The following OSBPL10 variants were observed in gnomAD, a reference collection of about 807,000 sequenced individuals.
The protein encoded by OSBPL10 is oxysterol binding protein like 10.
In OSBPL10, 49 loss-of-function variants were observed where a neutral mutation model predicts 81.7. The observed-to-expected ratio is 0.60, with a 90% CI of 0.48 to 0.76. The LOEUF is 0.76. Among genes scored for constraint, OSBPL10 ranks in the 30% least tolerant of loss-of-function variants. The pLI is 0.00. For missense variants in OSBPL10, 923 were observed against 987.8 expected, an observed-to-expected ratio of 0.93 and a Z score of 0.88; for synonymous variants, 419 against 383.6, an observed-to-expected ratio of 1.09 and a Z score of -1.08.
chr3:31,825,929 T>G (rs1700089923), intron 4 of OSBPL10, among the ~76,000 whole-genome samples: 1 of 152,242 alleles, frequency 6.6e-6, no homozygotes, highest in African/African-American at 2.4e-5. Flanking sequence ...ACTCATTTTA[T>G]GCATACATGT....
intron 4 of OSBPL10, among the ~76,000 whole-genome samples, chr3:31,780,659 C>T (rs1279377726): frequency 5.9e-5 from 9 of 152,146 alleles, no homozygotes; most frequent in African/African-American, 1.9e-4. Flanking sequence ...TGCAAAAGAT[C>T]ATTCAAGGCA....
chr3:32,036,823 CA>C (rs35549518), intron 2 of OSBPL10, among the ~76,000 whole-genome samples: 19 of 142,188 alleles, frequency 1.3e-4, no homozygotes, highest in South Asian at 4.5e-4. Flanking sequence ...ACTCGTGTCT[CA>C]AAAAAAAAAA....
At chr3:31,766,691 T>C (rs887404488) in intron 4 of OSBPL10, among the ~76,000 whole-genome samples, 2 of 152,128 alleles carry the variant, frequency 1.3e-5, no homozygotes, top group African/African-American at 4.8e-5. Context: ...TATTTACAAA[T>C]ACTTTTAAAA....
At chr3:31,991,283 G>T in intron 2 of OSBPL10, 1 of 297,668 alleles carries the variant, frequency 3.4e-6, no homozygotes. Flanking sequence ...ACTTTTCCTA[G>T]CCTGTTTTTT....
chr3:31,957,194 T>C (rs1397424302), intron 1 of OSBPL10, among the ~76,000 whole-genome samples: 2 of 152,206 alleles, frequency 1.3e-5, no homozygotes, highest in Non-Finnish European at 2.9e-5. Flanking sequence ...TCCAGGGATG[T>C]ACAAAGGCAG....
chr3:31,833,594 CCTT>C (rs750369333), intron 3 of OSBPL10, among the ~76,000 whole-genome samples: 10 of 152,006 alleles, frequency 6.6e-5, no homozygotes, highest in South Asian at 2.1e-4. Flanking sequence ...GAGTCACTGA[CCTT>C]CTTATTTTCT....
intron 4 of OSBPL10, among the ~76,000 whole-genome samples, chr3:31,792,676 CAGTT>C (rs1166008361): frequency 7.0e-6 from 1 of 142,322 alleles, no homozygotes. Flanking sequence ...GTGTGTGTGA[CAGTT>C]GGTGTTGTGG....
At chr3:31,853,212 C>T (rs1385301696) in intron 3 of OSBPL10, among the ~76,000 whole-genome samples, 5 of 152,112 alleles carry the variant, frequency 3.3e-5, no homozygotes, top group Non-Finnish European at 5.9e-5. Context: ...TTTTCTAGTT[C>T]CTGACCTGGC....
intron 7 of OSBPL10, among the ~76,000 whole-genome samples, chr3:31,689,639 G>T (rs1700892935): frequency 6.6e-6 from 1 of 152,138 alleles, no homozygotes. Flanking sequence ...CATGGGGGTG[G>T]GTCTTTCTTG....
intron 1 of OSBPL10, among the ~76,000 whole-genome samples, chr3:31,980,309 G>GT (rs1698797658): frequency 6.6e-6 from 1 of 152,132 alleles, no homozygotes; most frequent in Non-Finnish European, 1.5e-5. Flanking sequence ...GCCTCTTTCT[G>GT]TTTTTAAACA....
intron 2 of OSBPL10, among the ~76,000 whole-genome samples, chr3:32,004,922 T>G (rs1020506124): frequency 6.6e-6 from 1 of 152,216 alleles, no homozygotes; most frequent in African/African-American, 2.4e-5. Flanking sequence ...TGCAATTCAA[T>G]TCCCACTTAT....
chr3:32,040,205 G>A (rs960104011), intron 2 of OSBPL10, among the ~76,000 whole-genome samples: 1 of 152,082 alleles, frequency 6.6e-6, no homozygotes, highest in African/African-American at 2.4e-5. Flanking sequence ...TCAAGAGTTC[G>A]AGACCAGCCT....
At chr3:31,663,777 T>C in intron 11 of OSBPL10, 2 of 1,286,406 alleles carry the variant, frequency 1.6e-6, no homozygotes, top group Admixed American at 6.9e-5. Context: ...TAGAACAGTA[T>C]CCAGTCTGCA....
At chr3:32,010,212 G>A (rs1259538687) in intron 2 of OSBPL10, among the ~76,000 whole-genome samples, 1 of 152,078 alleles carries the variant, frequency 6.6e-6, no homozygotes, top group Non-Finnish European at 1.5e-5. Context: ...AACGCATAGT[G>A]GGGCCAGAGC....
intron 3 of OSBPL10, among the ~76,000 whole-genome samples, chr3:31,839,235 G>A (rs1700435828): frequency 6.6e-6 from 1 of 152,128 alleles, no homozygotes. Context: ...GAAGAGTCTG[G>A]AAAAGACATA....
intron 1 of OSBPL10, among the ~76,000 whole-genome samples, chr3:31,880,819 A>T (rs1695551955): frequency 6.6e-6 from 1 of 152,200 alleles, no homozygotes; most frequent in South Asian, 2.1e-4. Context: ...CACCCTTTTG[A>T]AACATTTCCT....
upstream of OSBPL10, among the ~76,000 whole-genome samples, chr3:31,982,783 T>C (rs12632509): frequency 0.074 from 11,276 of 152,288 alleles, 649 homozygotes; most frequent in East Asian, 0.32. Context: ...GGACAAATGA[T>C]ACCGGCTGTA....
chr3:31,959,182 T>C (rs1328500871), intron 1 of OSBPL10, among the ~76,000 whole-genome samples: 2 of 152,284 alleles, frequency 1.3e-5, no homozygotes, highest in East Asian at 1.9e-4. Context: ...CTACGAGATA[T>C]CGGCTCACAG....
intron 3 of OSBPL10, among the ~76,000 whole-genome samples, chr3:31,863,461 C>T (rs11921212): frequency 1.3e-5 from 2 of 151,972 alleles, no homozygotes; most frequent in African/African-American, 2.4e-5. Context: ...TTTTAAGAAA[C>T]GATAAGAGCC....
Sources: gnomAD v4.1 joint callset for allele counts (sites outside exome capture counted in the v4.1 genomes callset) on GRCh38, gnomAD v4.1.1 for gene constraint, MANE v1.5 for transcripts, NCBI Gene and HGNC (gene_info 2026-07-23, HGNC 2026-07-21) for gene names.